MRC1: variants seen among roughly 807,000 people sequenced by gnomAD.
MRC1 encodes the protein mannose receptor C-type 1, also known as macrophage mannose receptor 1.
A neutral mutation model predicts 102.9 loss-of-function variants in MRC1; 62 were observed. The observed-to-expected ratio is 0.60, with a 90% CI of 0.49 to 0.74. The LOEUF (loss-of-function observed/expected upper bound fraction) is 0.74, where lower values mean the gene tolerates loss of function less well. Ranked by LOEUF, MRC1 falls within the 30% of genes least tolerant of loss-of-function variation. MRC1 has a pLI of 0.00. For synonymous variants in MRC1, 457 were observed against 298.4 expected (o/e 1.53, Z -5.48); for missense variants, 1,237 against 862.8 (o/e 1.43, Z -5.43).
chr10:17,830,589 A>C lies in MRC1; in HGVS notation c.637+2874A>C, dbSNP rs531516019. ...TCCATGTAGACATTTATTTTCAAGT[A>C]TCGTGAGAACAGGTAAAGGAAAATT... On this transcript the variant is annotated intron_variant, in intron 3 of 29. Transcript: ENST00000569591. Among the ~76,000 whole-genome samples the C allele has an allele frequency of 1.4e-3, 219 of 151,446 alleles. 2 individuals carry two copies. The highest frequency in any genetic ancestry group is 2.6e-3 in the Non-Finnish European group (175 of 68,026).
rs925801516 is a variant in MRC1 at position 17,870,413 on chromosome 10, A to G, written c.2111+40A>G. On this transcript the variant is annotated intron_variant, in intron 13 of 29. Coordinates refer to ENST00000569591, the MANE Select transcript of MRC1 (RefSeq NM_002438.4). ...TATGGATTCCTCCTTTTTGTTATCT[A>G]GTTGGTGCTTATGAAGTTGAGAAAA... The G allele has an allele frequency of 6.2e-4, 483 of 779,840 alleles. No homozygotes were observed. In the African/African-American group the frequency reaches 7.4e-3, roughly 12 times the overall value. 48.3% of individuals were successfully genotyped at this position (779,840 alleles called of 1,614,324 possible).
chr10:17,832,955 C>T (rs907492672), intron 3 of MRC1, among the ~76,000 whole-genome samples: 1 of 152,102 alleles, frequency 6.6e-6, no homozygotes, highest in African/African-American at 2.4e-5. Context: ...TGCATCATGG[C>T]AAAGTCTGGG....
chr10:17,851,249 A>T (rs1838912087), intron 7 of MRC1, among the ~76,000 whole-genome samples: 1 of 152,194 alleles, frequency 6.6e-6, no homozygotes, highest in Non-Finnish European at 1.5e-5. Flanking sequence ...ATTCAGCATG[A>T]GAATTAGTAA....
chr10:17,897,662 A>G (rs1833774200), intron 23 of MRC1, among the ~76,000 whole-genome samples: 1 of 152,218 alleles, frequency 6.6e-6, no homozygotes, highest in Admixed American at 6.5e-5. Flanking sequence ...GTACATGGAA[A>G]AATAAAGATT....
intron 18 of MRC1, 41 bp from the exon 19 acceptor site, chr10:17,879,680 A>G: frequency 1.3e-6 from 1 of 780,790 alleles, no homozygotes; most frequent in Non-Finnish European, 2.4e-6. Context: ...AATTAGTCTA[A>G]TGATTGGATC....
At chr10:17,868,060 A>T (rs1833302282) in intron 12 of MRC1, among the ~76,000 whole-genome samples, 1 of 152,164 alleles carries the variant, frequency 6.6e-6, no homozygotes, top group East Asian at 1.9e-4. Flanking sequence ...ACAAACAGAC[A>T]AAAAAAGAAA....
intron 8 of MRC1, among the ~76,000 whole-genome samples, chr10:17,854,983 G>A (rs1186095623): frequency 2.6e-5 from 4 of 152,146 alleles, no homozygotes; most frequent in Non-Finnish European, 4.4e-5. Flanking sequence ...GAGCCGCCGC[G>A]CTTGGCCCAG....
intron 1 of MRC1, among the ~76,000 whole-genome samples, chr10:17,821,320 TC>T (rs1465841913): frequency 4.6e-5 from 7 of 152,110 alleles, no homozygotes; most frequent in Non-Finnish European, 8.8e-5. Context: ...TCCCCCAAGA[TC>T]CATGAGCTAA....
chr10:17,895,573 A>C (rs1692822199), intron 23 of MRC1, among the ~76,000 whole-genome samples: 1 of 152,262 alleles, frequency 6.6e-6, no homozygotes, highest in Non-Finnish European at 1.5e-5. Context: ...AAACATGTGG[A>C]TATATGATCT....
chr10:17,879,638 C>T (rs1833485662), intron 18 of MRC1, 83 bp from the exon 19 acceptor site: 1 of 780,382 alleles, frequency 1.3e-6, no homozygotes, highest in Non-Finnish European at 2.4e-6. Flanking sequence ...GCTGGGATTA[C>T]AGGCGTGAGC....
chr10:17,871,079 A>G (rs1370633955), intron 14 of MRC1, 144 bp downstream of exon 14: 11 of 698,324 alleles, frequency 1.6e-5, no homozygotes, highest in African/African-American at 1.8e-5. Context: ...GTGCAGGTAA[A>G]CTTCCTAAAA....
chr10:17,872,862 C>T (rs1295172882), intron 15 of MRC1, among the ~76,000 whole-genome samples: 5 of 152,160 alleles, frequency 3.3e-5, no homozygotes, highest in Non-Finnish European at 5.9e-5. Flanking sequence ...ACCTCCGTTG[C>T]AAATGGATAA....
At chr10:17,867,296 T>C (rs1168230108) in intron 12 of MRC1, among the ~76,000 whole-genome samples, 1 of 138,638 alleles carries the variant, frequency 7.2e-6, no homozygotes, top group African/African-American at 2.5e-5. Context: ...TCTTTCTTCG[T>C]TCCTTCTTCC....
At position 17,894,236 on chromosome 10, in the gene MRC1, T is replaced by C; in HGVS notation, c.3174T>C (p.Gly1058=). The change falls in exon 23 of 30, where the codon GGT becomes GGC. Residue 1058 remains glycine (G), a synonymous_variant. Transcript: ENST00000569591. ...CTGACTGTGTTGTTATTATTGGAGG[T>C]GCATCAAATGAAGCAGGAAAATGGA... ...EDADCVVIIG[G]ASNEAGKWMD... is the part of the protein sequence containing the mutation. The C allele has an allele frequency of 1.1e-6, 1 of 872,546 alleles. No homozygotes were observed. The highest frequency in any genetic ancestry group is 2.0e-6 in the Non-Finnish European group (1 of 501,458). 54.1% of individuals were successfully genotyped at this position (872,546 alleles called of 1,614,324 possible). A position where few individuals can be genotyped will look rare whatever the true frequency, so the allele number is the denominator to read the frequency against.
At chr10:17,902,175 C>T in intron 26 of MRC1, 53 bp downstream of exon 26, 2 of 738,932 alleles carry the variant, frequency 2.7e-6, no homozygotes. Flanking sequence ...TTCTGGGGTC[C>T]ACTGACACTA....
At chr10:17,844,346 G>A (rs1838794186) in intron 5 of MRC1, among the ~76,000 whole-genome samples, 1 of 151,888 alleles carries the variant, frequency 6.6e-6, no homozygotes, top group Non-Finnish European at 1.5e-5. Flanking sequence ...AGCCTCCCAA[G>A]TAGCTGGGAT....
chr10:17,904,426 T>G (rs1292666584), intron 26 of MRC1, among the ~76,000 whole-genome samples: 8 of 152,236 alleles, frequency 5.3e-5, no homozygotes, highest in Admixed American at 5.2e-4. Context: ...CTTTCATCTT[T>G]TTCACGATGT....
intron 6 of MRC1, among the ~76,000 whole-genome samples, chr10:17,848,190 C>A (rs1225637563): frequency 6.6e-6 from 1 of 152,080 alleles, no homozygotes; most frequent in African/African-American, 2.4e-5. Flanking sequence ...CTAAGACAGC[C>A]ATTTGAAAAC....
chr10:17,875,362 C>G, intron 17 of MRC1, 109 bp downstream of exon 17: 1 of 739,142 alleles, frequency 1.4e-6, no homozygotes, highest in South Asian at 1.5e-5. Context: ...TTGGTACACC[C>G]GTCACCTGAG....
Sources: allele counts gnomAD v4.1 joint callset (sites outside exome capture counted in the v4.1 genomes callset), GRCh38; gene constraint gnomAD v4.1.1; transcripts MANE v1.5; gene names NCBI Gene and HGNC (gene_info 2026-07-23, HGNC 2026-07-21).